Variants in AGBL1 observed in about 807,000 individuals in gnomAD.
AGBL1 encodes cytosolic carboxypeptidase 4.
AGBL1 carries 130 observed loss-of-function variants against 118.9 expected under a neutral mutation model. That is an observed-to-expected ratio of 1.09 (90% confidence interval 0.95 to 1.26). The LOEUF is 1.26. AGBL1 is among the 50% of genes most tolerant of loss of function. The probability of loss-of-function intolerance (pLI) is 0.00; values close to 1 mark genes in which losing one functional copy is unlikely to be tolerated. For missense variants in AGBL1, 1,584 were observed against 1,298.1 expected, an observed-to-expected ratio of 1.22 and a Z score of -3.38; for synonymous variants, 555 against 478.9, an observed-to-expected ratio of 1.16 and a Z score of -2.08.
intron 22 of AGBL1, among the ~76,000 whole-genome samples, chr15:86,807,737 AAT>A (rs2078737769): frequency 6.6e-6 from 1 of 152,150 alleles, no homozygotes; most frequent in South Asian, 2.1e-4. Context: ...CCTCACTCTG[AAT>A]ATATGACTTG....
chr15:86,461,692 A>G (rs942378018), intron 18 of AGBL1, among the ~76,000 whole-genome samples: 4 of 152,224 alleles, frequency 2.6e-5, no homozygotes, highest in Non-Finnish European at 5.9e-5. Flanking sequence ...GAAAATATCT[A>G]TAACATATAT....
intron 17 of AGBL1, among the ~76,000 whole-genome samples, chr15:86,337,638 T>C (rs549688328): frequency 6.6e-6 from 1 of 152,008 alleles, no homozygotes; most frequent in Non-Finnish European, 1.5e-5. Context: ...TTCCGACTTA[T>C]AAGTGGGAGC....
chr15:86,724,535 A>T (rs1187212811), intron 22 of AGBL1, among the ~76,000 whole-genome samples: 1 of 152,154 alleles, frequency 6.6e-6, no homozygotes, highest in African/African-American at 2.4e-5. Context: ...GCAGGGGGCA[A>T]GGGTAGAGGT....
Position 86,264,398 on chromosome 15 carries a change from T to A in AGBL1, c.1227T>A (p.Tyr409Ter). Reference protein sequence around the residue: ...DQSSCGQEREYAVQTSLLCRV... With the variant: ...DQSSCGQERE ...GCTCCTGTGGGCAAGAAAGAGAATATGCTGTCCAGACTTCCCTTCTGTGCA... is the reference window on the plus strand; with the variant it reads ...GCTCCTGTGGGCAAGAAAGAGAATAAGCTGTCCAGACTTCCCTTCTGTGCA... The change falls in exon 11 of 23, where the codon TAT (tyrosine) becomes TAA (stop). Residue 409 changes from tyrosine (Y) to a stop codon, truncating the protein, a stop_gained. Transcript: ENST00000614907. LOFTEE classifies it high-confidence loss of function. 6.2e-7 allele frequency: 1 copy of A among 1,613,948 alleles called. No homozygotes were observed. The highest frequency in any genetic ancestry group is 8.5e-7 in the Non-Finnish European group (1 of 1,179,870).
intron 20 of AGBL1, among the ~76,000 whole-genome samples, chr15:86,549,973 G>A (rs1015847928): frequency 1.3e-5 from 2 of 152,036 alleles, no homozygotes; most frequent in Non-Finnish European, 1.5e-5. Context: ...TTCACTAGGT[G>A]GGATTGTCAG....
intron 10 of AGBL1, among the ~76,000 whole-genome samples, chr15:86,263,837 T>C (rs1362424133): frequency 1.3e-5 from 2 of 152,174 alleles, no homozygotes; most frequent in Admixed American, 6.6e-5. Flanking sequence ...AGTTAATATA[T>C]TCTATTTGGC....
At chr15:86,945,916 T>G (rs1475095514) in intron 23 of AGBL1, among the ~76,000 whole-genome samples, 2 of 152,316 alleles carry the variant, frequency 1.3e-5, no homozygotes, top group East Asian at 1.9e-4. Flanking sequence ...TCTTCCCAAA[T>G]GTATAGCACT....
chr15:86,951,584 T>C (rs546293246), intron 23 of AGBL1, among the ~76,000 whole-genome samples: 12 of 152,294 alleles, frequency 7.9e-5, no homozygotes, highest in Admixed American at 7.8e-4. Flanking sequence ...TGATTTATAT[T>C]AATTTTAACA....
At chr15:86,743,452 TTAG>T (rs1032889040) in intron 22 of AGBL1, among the ~76,000 whole-genome samples, 1 of 152,014 alleles carries the variant, frequency 6.6e-6, no homozygotes, top group Non-Finnish European at 1.5e-5. Flanking sequence ...TTTTCCCCTC[TTAG>T]TAGGCTGAGC....
intron 18 of AGBL1, among the ~76,000 whole-genome samples, chr15:86,520,272 G>A (rs147749614): frequency 6.4e-4 from 98 of 152,276 alleles, no homozygotes; most frequent in African/African-American, 1.9e-3. Flanking sequence ...AGAGATAGAA[G>A]TATATGATAT....
At chr15:86,164,604 C>T (rs183224741) in intron 5 of AGBL1, among the ~76,000 whole-genome samples, 1 of 152,278 alleles carries the variant, frequency 6.6e-6, no homozygotes, top group Non-Finnish European at 1.5e-5. Flanking sequence ...CAGCCACATC[C>T]CCTCTGATCC....
Position 86,907,486 on chromosome 15 carries a change from T to C in AGBL1, c.*192T>C, listed in dbSNP as rs983476816. On this transcript the variant is annotated 3_prime_UTR_variant, in exon 23 of 23. Transcript: ENST00000614907. The stretch of plus-strand genomic sequence containing the variant: ...CGTAGAAGCTAGCCACTTTATAACA[T>C]TTTATATTAGAGTTAGGTAGCCCTT... 3.3e-5 allele frequency: 5 copies of C among 152,186 alleles called. No individual in the cohort carries two copies. The highest frequency in any genetic ancestry group is 1.2e-4 in the African/African-American group (5 of 41,436). The allele number at this position is 152,186 out of a possible 1,614,324, so 9.4% of individuals were successfully genotyped here.
At chr15:86,525,469 C>T (rs906250342) in intron 19 of AGBL1, among the ~76,000 whole-genome samples, 2 of 152,128 alleles carry the variant, frequency 1.3e-5, no homozygotes, top group East Asian at 1.9e-4. Flanking sequence ...CATCACATTA[C>T]TGGATTTCAA....
chr15:86,532,784 C>A (rs1474933999), intron 19 of AGBL1, among the ~76,000 whole-genome samples: 1 of 132,114 alleles, frequency 7.6e-6, no homozygotes, highest in Non-Finnish European at 1.6e-5. Context: ...TGGAACAGAA[C>A]AGAGCCCTCA....
chr15:86,306,634 C>A lies in AGBL1; in HGVS notation c.2374+11226C>A, dbSNP rs551314287. Among the ~76,000 whole-genome samples, 3 of 152,272 alleles carry A rather than the reference C, an allele frequency of 2.0e-5. No homozygotes were observed. The East Asian group carries it at 5.8e-4, about 29-fold the overall frequency. ...CAGTGCTGCAATGAACATAGGAGTG[C>A]AAATATCTCTTTGATATACTGATTT... On this transcript the variant is annotated intron_variant, in intron 17 of 22. Coordinates refer to ENST00000614907, the MANE Select transcript of AGBL1 (RefSeq NM_001386094.1).
At chr15:86,499,537 G>C (rs1476365815) in intron 18 of AGBL1, among the ~76,000 whole-genome samples, 2 of 151,846 alleles carry the variant, frequency 1.3e-5, no homozygotes, top group Non-Finnish European at 2.9e-5. Flanking sequence ...TTGCCTGGTA[G>C]GAGCTTTAAA....
Position 86,809,872 on chromosome 15 carries a change from T to C in AGBL1, c.3159-97215T>C, listed in dbSNP as rs1357474446. On this transcript the variant is annotated intron_variant, in intron 22 of 22. Transcript: ENST00000614907. Reference sequence around the variant, plus strand: ...AGCAGCTCTGGACCTGGCTTTGGGCTTTCTTGATGTGAGTTTTATATGTCG... The same window carrying C: ...AGCAGCTCTGGACCTGGCTTTGGGCCTTCTTGATGTGAGTTTTATATGTCG... Among the ~76,000 whole-genome samples the C allele has an allele frequency of 2.6e-5, 4 of 152,154 alleles. No homozygotes were observed. The South Asian group carries it at 8.3e-4, about 32-fold the overall frequency.
intron 23 of AGBL1, among the ~76,000 whole-genome samples, chr15:86,978,367 G>A (rs2081195772): frequency 1.3e-5 from 2 of 152,116 alleles, no homozygotes; most frequent in African/African-American, 4.8e-5. Context: ...TATTAGTGAT[G>A]GTCATAAATA....
intron 22 of AGBL1, among the ~76,000 whole-genome samples, chr15:86,850,503 C>T (rs1179367738): frequency 5.9e-5 from 9 of 152,194 alleles, no homozygotes; most frequent in South Asian, 2.1e-4. Flanking sequence ...TGCCCCACTG[C>T]GCCCACATTG....
Sources: allele counts gnomAD v4.1 joint callset (sites outside exome capture counted in the v4.1 genomes callset), GRCh38; gene constraint gnomAD v4.1.1; transcripts MANE v1.5; gene names NCBI Gene and HGNC (gene_info 2026-07-23, HGNC 2026-07-21).